The following NT5C2 variants were observed in gnomAD, a reference collection of about 807,000 sequenced individuals.
NT5C2 encodes 5'-nucleotidase, cytosolic II, also known as cytosolic purine 5'-nucleotidase.
NT5C2 carries 58 observed loss-of-function variants against 76.1 expected under a neutral mutation model. The observed-to-expected ratio is 0.76, with a 90% CI of 0.62 to 0.95. The LOEUF (loss-of-function observed/expected upper bound fraction) is 0.95, where lower values mean the gene tolerates loss of function less well. Ranked by LOEUF, NT5C2 falls within the 40% of genes least tolerant of loss-of-function variation. NT5C2 has a pLI of 0.00. For missense variants in NT5C2, 478 were observed against 690.3 expected (o/e 0.69, Z 3.45); for synonymous variants, 229 against 237.4 (o/e 0.96, Z 0.32).
chr10:103,089,983 C>T (rs2066281841), intron 18 of NT5C2, 75 bp from the exon 19 acceptor site: 1 of 1,223,448 alleles, frequency 8.2e-7, no homozygotes, highest in African/African-American at 1.5e-5. Context: ...AACCCCTCTC[C>T]TCTGTTAGGT....
intron 3 of NT5C2, among the ~76,000 whole-genome samples, chr10:103,160,230 C>T (rs896611874): frequency 1.8e-4 from 28 of 151,854 alleles, no homozygotes; most frequent in African/African-American, 6.8e-4. Flanking sequence ...TATATAATAA[C>T]AAAAAAAGTA....
chr10:103,159,098 T>C (rs1044039974), intron 3 of NT5C2, among the ~76,000 whole-genome samples: 4 of 152,154 alleles, frequency 2.6e-5, no homozygotes, highest in African/African-American at 7.2e-5. Context: ...CCAGGTGCAG[T>C]AGCAGATGCT....
At position 103,089,474 on chromosome 10, in the gene NT5C2, T is replaced by C; in HGVS notation, c.*198A>G. ...TTCTAATACAGACTCCATTACAATT[T>C]TGGACCATCTGCAGAGAGTACAGAT... On this transcript the variant is annotated 3_prime_UTR_variant, in exon 19 of 19. Transcript: ENST00000404739. 1.1e-6 allele frequency: 1 copy of C among 881,058 alleles called. No individual in the cohort carries two copies. The highest frequency in any genetic ancestry group is 1.6e-6 in the Non-Finnish European group (1 of 629,366). The allele number at this position is 881,058 out of a possible 1,614,324, so 54.6% of individuals were successfully genotyped here.
chr10:103,116,623 G>A (rs1254171375), intron 4 of NT5C2, among the ~76,000 whole-genome samples: 1 of 126,498 alleles, frequency 7.9e-6, no homozygotes, highest in African/African-American at 3.1e-5. Context: ...TGGCTGGAAT[G>A]CCCTAGCATG....
chr10:103,175,002 A>G lies in NT5C2; in HGVS notation c.-24-20T>C, dbSNP rs764019149. ...TGTATTCTAGAAAAGAAAATCATTA[A>G]TTTAGTAACTTAATATTGGCATCTG... On this transcript the variant is annotated intron_variant, in intron 2 of 18. Coordinates refer to ENST00000404739, the MANE Select transcript of NT5C2 (RefSeq NM_001351169.2). The G allele has an allele frequency of 7.3e-7, 1 of 1,360,688 alleles. No homozygotes were observed. The highest frequency in any genetic ancestry group is 1.8e-4 in the Middle Eastern group (1 of 5,592). 84.3% of individuals were successfully genotyped at this position (1,360,688 alleles called of 1,614,324 possible). A position where few individuals can be genotyped will look rare whatever the true frequency, so the allele number is the denominator to read the frequency against.
chr10:103,102,237 C>T (rs1214279832), intron 6 of NT5C2, among the ~76,000 whole-genome samples: 1 of 151,994 alleles, frequency 6.6e-6, no homozygotes, highest in African/African-American at 2.4e-5. Flanking sequence ...CAAATGGGAT[C>T]CAAGCAGAGA....
At chr10:103,138,547 C>T (rs2079758664) in intron 4 of NT5C2, among the ~76,000 whole-genome samples, 1 of 152,092 alleles carries the variant, frequency 6.6e-6, no homozygotes, top group Non-Finnish European at 1.5e-5. Context: ...TTTTTGGTTC[C>T]TGTGTTAGTC....
intron 4 of NT5C2, among the ~76,000 whole-genome samples, chr10:103,136,172 G>A (rs1378173831): frequency 6.6e-6 from 1 of 152,132 alleles, no homozygotes; most frequent in Non-Finnish European, 1.5e-5. Context: ...TACACCATAT[G>A]TTTCTATTCA....
intron 1 of NT5C2, among the ~76,000 whole-genome samples, chr10:103,186,576 C>T (rs984281112): frequency 6.6e-6 from 1 of 152,198 alleles, no homozygotes. Context: ...ATTTATTTCA[C>T]CAAACCTACT....
intron 4 of NT5C2, among the ~76,000 whole-genome samples, chr10:103,116,614 G>T: frequency 2.4e-5 from 3 of 126,572 alleles, no homozygotes; most frequent in African/African-American, 3.1e-5. Flanking sequence ...CTGCCATCCT[G>T]GCTGGAATGC....
chr10:103,150,622 C>T (rs2082234605), intron 3 of NT5C2, among the ~76,000 whole-genome samples: 1 of 152,178 alleles, frequency 6.6e-6, no homozygotes, highest in Non-Finnish European at 1.5e-5. Flanking sequence ...GCACTCTTAT[C>T]AGCAATGCAT....
At chr10:103,090,904 C>T (rs1476242501) in intron 17 of NT5C2, 32 bp downstream of exon 17, 1 of 1,608,712 alleles carries the variant, frequency 6.2e-7, no homozygotes, top group Non-Finnish European at 8.5e-7. Context: ...AAACTTATTT[C>T]CCAAGTTTTC....
chr10:103,139,295 G>T, intron 4 of NT5C2, 111 bp downstream of exon 4: 1 of 578,760 alleles, frequency 1.7e-6, no homozygotes, highest in South Asian at 3.4e-5. Context: ...AAAAGCTTCT[G>T]GCAGCCAAAT....
At chr10:103,091,964 A>C (rs1479071517) in intron 15 of NT5C2, among the ~76,000 whole-genome samples, 1 of 152,190 alleles carries the variant, frequency 6.6e-6, no homozygotes, top group Non-Finnish European at 1.5e-5. Flanking sequence ...TAACAGTCCC[A>C]TTTTCAGATG....
chr10:103,189,362 C>T (rs1185593424), intron 1 of NT5C2, among the ~76,000 whole-genome samples: 2 of 152,078 alleles, frequency 1.3e-5, no homozygotes, highest in East Asian at 3.9e-4. Context: ...AATCGCAGCA[C>T]TTTGGGAGGC....
rs1381480596 is a variant in NT5C2 at position 103,129,287 on chromosome 10, CGGGA to C, written c.175+10115_175+10118del. On this transcript the variant is annotated intron_variant, in intron 4 of 18. Transcript: ENST00000404739. ...CCCCCACCCGGCCAGCCGCCCCGTCCGGGAGGGAGGTGGGGGGGTCAGCCCCCCG... is the reference window on the plus strand; with the variant it reads ...CCCCCACCCGGCCAGCCGCCCCGTCCGGGAGGTGGGGGGGTCAGCCCCCCG... 4.7e-3 allele frequency among the ~76,000 whole-genome samples: 527 copies of C among 111,860 alleles called. 3 individuals carry two copies. The highest frequency in any genetic ancestry group is 7.1e-3 in the Non-Finnish European group (361 of 51,192). 73.4% of individuals were successfully genotyped at this position (111,860 alleles called of 152,430 possible). A position where few individuals can be genotyped will look rare whatever the true frequency, so the allele number is the denominator to read the frequency against.
intron 4 of NT5C2, among the ~76,000 whole-genome samples, chr10:103,128,201 GAGTGCCTGCC>G (rs2077082059): frequency 6.7e-6 from 1 of 148,322 alleles, no homozygotes; most frequent in East Asian, 2.1e-4. Context: ...TCAGCCTGCC[GAGTGCCTGCC>G]ATTGCAGGCA....
At chr10:103,103,820 G>T (rs1394188207) in intron 6 of NT5C2, among the ~76,000 whole-genome samples, 1 of 151,866 alleles carries the variant, frequency 6.6e-6, no homozygotes, top group Admixed American at 6.6e-5. Flanking sequence ...TCTATCTTCA[G>T]TCTCTTCTTT....
intron 6 of NT5C2, 29 bp downstream of exon 6, chr10:103,105,677 G>C (rs375238594): frequency 3.6e-6 from 5 of 1,396,780 alleles, no homozygotes; most frequent in Non-Finnish European, 3.0e-6. Flanking sequence ...TTTAACATTA[G>C]AAAGAGGCTA....
Sources: allele counts gnomAD v4.1 joint callset (sites outside exome capture counted in the v4.1 genomes callset), GRCh38; gene constraint gnomAD v4.1.1; transcripts MANE v1.5; gene names NCBI Gene and HGNC (gene_info 2026-07-23, HGNC 2026-07-21).